ACOXL: variants seen among roughly 807,000 people sequenced by gnomAD.
ACOXL encodes the protein acyl-coenzyme A oxidase-like protein.
ACOXL carries 70 observed loss-of-function variants against 71.9 expected under a neutral mutation model. The observed-to-expected ratio is 0.97, with a 90% CI of 0.80 to 1.19. The LOEUF (loss-of-function observed/expected upper bound fraction) is 1.19, where lower values mean the gene tolerates loss of function less well. ACOXL is among the 50% of genes most tolerant of loss of function. ACOXL has a pLI of 0.00. For synonymous variants in ACOXL, 253 were observed against 281.6 expected, an observed-to-expected ratio of 0.90 and a Z score of 1.02; for missense variants, 703 against 736.3, an observed-to-expected ratio of 0.95 and a Z score of 0.52.
At chr2:111,018,710 G>T (rs541180101) in intron 14 of ACOXL, among the ~76,000 whole-genome samples, 73 of 149,678 alleles carry the variant, frequency 4.9e-4, no homozygotes, top group Admixed American at 1.2e-3. Flanking sequence ...AGAGAGGCTG[G>T]AGGGGGTGTT....
chr2:111,010,582 T>C (rs2064103004), intron 14 of ACOXL, among the ~76,000 whole-genome samples: 1 of 151,976 alleles, frequency 6.6e-6, no homozygotes, highest in Non-Finnish European at 1.5e-5. Flanking sequence ...TGACAGCACA[T>C]AAATTCAAGA....
intron 12 of ACOXL, among the ~76,000 whole-genome samples, chr2:110,937,053 G>A (rs779971756): frequency 8.5e-5 from 13 of 152,110 alleles, no homozygotes; most frequent in Non-Finnish European, 1.8e-4. Context: ...TACCATGTTG[G>A]TCAGGCTGGT....
At chr2:110,737,827 C>T (rs555857158) in intron 1 of ACOXL, among the ~76,000 whole-genome samples, 1 of 152,342 alleles carries the variant, frequency 6.6e-6, no homozygotes, top group South Asian at 2.1e-4. Context: ...CCTTGCATTT[C>T]CTCCATGGTC....
At chr2:110,901,259 A>G (rs1198881659) in intron 10 of ACOXL, among the ~76,000 whole-genome samples, 2 of 151,974 alleles carry the variant, frequency 1.3e-5, no homozygotes, top group Non-Finnish European at 2.9e-5. Flanking sequence ...GAAGAGCTAC[A>G]CTCTCTGGCC....
At chr2:110,951,939 T>C (rs2061347608) in intron 12 of ACOXL, among the ~76,000 whole-genome samples, 2 of 152,242 alleles carry the variant, frequency 1.3e-5, no homozygotes, top group East Asian at 3.8e-4. Context: ...GCCTCTGCTA[T>C]TCCTTTCTAG....
chr2:110,898,690 T>C (rs749582248), intron 10 of ACOXL, among the ~76,000 whole-genome samples: 69 of 152,210 alleles, frequency 4.5e-4, no homozygotes, highest in Admixed American at 4.3e-3. Flanking sequence ...AAGGCAACGA[T>C]GTCTGCTCTT....
At chr2:110,848,730 C>G (rs887446798) in intron 10 of ACOXL, among the ~76,000 whole-genome samples, 2 of 152,264 alleles carry the variant, frequency 1.3e-5, no homozygotes, top group African/African-American at 4.8e-5. Flanking sequence ...TGACCATTTC[C>G]CAGTCAAACC....
At chr2:110,879,247 T>C (rs1445298441) in intron 10 of ACOXL, among the ~76,000 whole-genome samples, 1 of 152,142 alleles carries the variant, frequency 6.6e-6, no homozygotes, top group Non-Finnish European at 1.5e-5. Context: ...TCCCATTGTA[T>C]TGAACTGAAG....
chr2:111,048,215 T>C (rs2066111406), intron 15 of ACOXL, among the ~76,000 whole-genome samples: 1 of 152,182 alleles, frequency 6.6e-6, no homozygotes, highest in Non-Finnish European at 1.5e-5. Flanking sequence ...AATGTCTTTA[T>C]TGGCTGGATG....
intron 9 of ACOXL, among the ~76,000 whole-genome samples, chr2:110,832,305 G>T (rs943265920): frequency 6.6e-6 from 1 of 152,134 alleles, no homozygotes; most frequent in Non-Finnish European, 1.5e-5. Flanking sequence ...TTGGGAGGCC[G>T]AGGCGGGTGG....
chr2:111,071,220 C>T (rs2067325305), intron 16 of ACOXL, among the ~76,000 whole-genome samples: 2 of 152,144 alleles, frequency 1.3e-5, no homozygotes, highest in African/African-American at 4.8e-5. Flanking sequence ...TCTTGAATAA[C>T]CTCCTCAGGG....
At chr2:111,007,870 A>G (rs938263303) in intron 14 of ACOXL, among the ~76,000 whole-genome samples, 12 of 152,246 alleles carry the variant, frequency 7.9e-5, no homozygotes, top group African/African-American at 1.7e-4. Context: ...TCTGATTCCA[A>G]TTCAAACAAC....
At chr2:110,897,406 A>G (rs2059056877) in intron 10 of ACOXL, among the ~76,000 whole-genome samples, 1 of 152,242 alleles carries the variant, frequency 6.6e-6, no homozygotes, top group Non-Finnish European at 1.5e-5. Context: ...TGGGAAGTCC[A>G]GGATCAAGGC....
At chr2:111,017,265 G>A (rs534192649) in intron 14 of ACOXL, among the ~76,000 whole-genome samples, 118 of 152,344 alleles carry the variant, frequency 7.7e-4, no homozygotes, top group Non-Finnish European at 1.5e-3. Context: ...GCAGGCCCTC[G>A]TGGTGAGCTG....
chr2:110,848,806 A>G (rs1467968074), intron 10 of ACOXL, among the ~76,000 whole-genome samples: 1 of 152,158 alleles, frequency 6.6e-6, no homozygotes, highest in Non-Finnish European at 1.5e-5. Context: ...CCTGCTGACC[A>G]GTGACCAGAG....
chr2:110,799,916 TCAGCGCCCTCTAAAATGCACTAAC>T (rs1175794873), intron 7 of ACOXL, among the ~76,000 whole-genome samples: 34 of 152,002 alleles, frequency 2.2e-4, no homozygotes, highest in Admixed American at 2.0e-3. Flanking sequence ...AATGCACCAA[TCAGCGCCCTCTAAAATGCACTAAC>T]CAGCGCCCTC....
intron 10 of ACOXL, among the ~76,000 whole-genome samples, chr2:110,866,774 G>T (rs1399250647): frequency 2.0e-5 from 3 of 152,032 alleles, no homozygotes; most frequent in African/African-American, 7.2e-5. Context: ...CTCACCCACC[G>T]CCCCATCTCC....
intron 16 of ACOXL, among the ~76,000 whole-genome samples, chr2:111,061,725 G>A (rs570741910): frequency 2.2e-4 from 33 of 152,222 alleles, no homozygotes; most frequent in African/African-American, 7.9e-4. Flanking sequence ...GAGGGCAATA[G>A]GATGTAAAGG....
At chr2:110,914,620 G>A (rs780321048) in intron 11 of ACOXL, among the ~76,000 whole-genome samples, 17 of 152,130 alleles carry the variant, frequency 1.1e-4, no homozygotes, top group Admixed American at 4.6e-4. Context: ...AGTAAAGAGA[G>A]TTTTACTTAT....
Sources: allele counts gnomAD v4.1 joint callset (sites outside exome capture counted in the v4.1 genomes callset), GRCh38; gene constraint gnomAD v4.1.1; transcripts MANE v1.5; gene names NCBI Gene and HGNC (gene_info 2026-07-23, HGNC 2026-07-21).